The following PCDH1 variants were observed in gnomAD, a reference collection of about 807,000 sequenced individuals.
PCDH1 encodes protocadherin-1.
In PCDH1, 23 loss-of-function variants were observed where a neutral mutation model predicts 74.6. The observed-to-expected ratio is 0.31, with a 90% CI of 0.22 to 0.44. PCDH1 has a LOEUF of 0.44. PCDH1 is among the 20% of genes least tolerant of loss of function. PCDH1 has a pLI of 1.00. For synonymous variants in PCDH1, 647 were observed against 686.1 expected, an observed-to-expected ratio of 0.94 and a Z score of 0.89; for missense variants, 1,214 against 1,641.4, an observed-to-expected ratio of 0.74 and a Z score of 4.50.
chr5:141,878,278 C>G lies in PCDH1; in HGVS notation c.-16G>C. On this transcript the variant is annotated 5_prime_UTR_variant, in exon 1 of 5. Coordinates refer to ENST00000287008, the MANE Select transcript of PCDH1 (RefSeq NM_032420.5). This position sits in a 1 kb window ranked among gnomAD's most constrained non-coding sequence, Gnocchi z 5.5. ...CGCTGTCCATGAGCCGCCGCCGGCCCCGGCCTGGGCTGCGGCTCCGCACGG... is the reference window on the plus strand; with the variant it reads ...CGCTGTCCATGAGCCGCCGCCGGCCGCGGCCTGGGCTGCGGCTCCGCACGG... The G allele has an allele frequency of 7.9e-7, 1 of 1,271,008 alleles. No individual in the cohort carries two copies. The allele number at this position is 1,271,008 out of a possible 1,614,324, so 78.7% of individuals were successfully genotyped here.
chr5:141,871,173 T>G (rs1753088145), intron 1 of PCDH1, among the ~76,000 whole-genome samples: 1 of 152,264 alleles, frequency 6.6e-6, no homozygotes. Flanking sequence ...GACAGTACTC[T>G]GTACACTCAC....
At chr5:141,876,336 G>A (rs1173811005) in intron 1 of PCDH1, among the ~76,000 whole-genome samples, 1 of 152,172 alleles carries the variant, frequency 6.6e-6, no homozygotes, top group Non-Finnish European at 1.5e-5. Context: ...GGCATCTCCG[G>A]CCTCGGCCTA....
chr5:141,870,123 T>G (rs1159374062), intron 1 of PCDH1, among the ~76,000 whole-genome samples: 1 of 152,196 alleles, frequency 6.6e-6, no homozygotes, highest in Admixed American at 6.5e-5. Flanking sequence ...TGCCCAGTAT[T>G]CTCCACCCCC....
In PCDH1 at chr5:141,869,478, G is replaced by A. The variant is rs1266634219; in HGVS notation, c.41-47C>T. On this transcript the variant is annotated intron_variant, in intron 1 of 4. Coordinates refer to ENST00000287008, the MANE Select transcript of PCDH1 (RefSeq NM_032420.5). This position sits in a 1 kb window ranked among gnomAD's most constrained non-coding sequence, Gnocchi z 4.9. ...CAGAGGCCATGAGCTGGGAAGAAAA[G>A]CCTGGCCCTGAGCTGCCCAGAGCTG... The A allele has an allele frequency of 3.2e-6, 5 of 1,583,256 alleles. No individual in the cohort carries two copies. The highest frequency in any genetic ancestry group is 4.3e-6 in the Non-Finnish European group (5 of 1,173,210).
chr5:141,865,362 G>T lies in PCDH1; in HGVS notation c.969C>A (p.Pro323=), dbSNP rs561989436. 1.9e-6 allele frequency: 3 copies of T among 1,614,074 alleles called. No homozygotes were observed. Among genetic ancestry groups the T allele is most frequent in the Non-Finnish European group, 1.7e-6 (2 of 1,180,016 alleles). The change falls in exon 3 of 5, where the codon CCC becomes CCA. Residue 323 remains proline, a synonymous_variant. Coordinates refer to ENST00000287008, the MANE Select transcript of PCDH1 (RefSeq NM_032420.5). This position sits in a 1 kb window ranked among gnomAD's most constrained non-coding sequence, Gnocchi z 4.4. The part of the protein sequence containing the change: ...AEIEYTFHQA[P]EVVRRLLRLD... ...GTCGAAGAAGACGCCTCACAACTTCGGGCGCCTGGTGGAATGTGTATTCGA... is the reference window on the plus strand; with the variant it reads ...GTCGAAGAAGACGCCTCACAACTTCTGGCGCCTGGTGGAATGTGTATTCGA...
rs1351475689 is a variant in PCDH1, at chr5:141,868,120, T to C, written c.903+449A>G. ...TTGTCAGGAAGAGGCAAAATGAGGC[T>C]ATATCCTCCAGCTTCAGGAAAACCT... On this transcript the variant is annotated intron_variant, in intron 2 of 4. Transcript: ENST00000287008. The surrounding 1 kb of genome is among the most constrained non-coding windows in gnomAD (Gnocchi z 4.8). Among the ~76,000 whole-genome samples, 1 of 152,240 alleles carries C rather than the reference T, an allele frequency of 6.6e-6. No homozygotes were observed. Among genetic ancestry groups the C allele is most frequent in the Non-Finnish European group, 1.5e-5 (1 of 68,042 alleles).
intron 1 of PCDH1, among the ~76,000 whole-genome samples, chr5:141,871,599 T>C (rs1415355161): frequency 6.6e-6 from 1 of 152,248 alleles, no homozygotes; most frequent in African/African-American, 2.4e-5. Flanking sequence ...ATGTGGGTAC[T>C]CAACAAAGGA....
chr5:141,868,871 C>A lies in PCDH1; in HGVS notation c.601G>T (p.Gly201Cys). 1.2e-6 allele frequency: 2 copies of A among 1,614,240 alleles called. No homozygotes were observed. Among genetic ancestry groups the A allele is most frequent in the Non-Finnish European group, 1.7e-6 (2 of 1,180,044 alleles). Residue 201 changes from glycine to cysteine, a missense_variant, in exon 2 of 5, where the codon GGT (glycine) becomes TGT (cysteine). Coordinates refer to ENST00000287008, the MANE Select transcript of PCDH1 (RefSeq NM_032420.5). This position sits in a 1 kb window ranked among gnomAD's most constrained non-coding sequence, Gnocchi z 4.8. ...LASDRDAGPN[G>C]VASYELQAGP... ...GCCTGCAGCTCATAGGATGCCACAC[C>A]GTTGGGACCAGCATCACGGTCTGAA...
At chr5:141,856,099 C>G (rs1375067606) in intron 4 of PCDH1, 6 of 936,848 alleles carry the variant, frequency 6.4e-6, no homozygotes, top group South Asian at 1.5e-5. Flanking sequence ...TGCCAAGGCT[C>G]TACAGCTCAG....
Position 141,854,132 on chromosome 5 carries a change from C to A in PCDH1, c.3624G>T (p.Leu1208Phe), listed in dbSNP as rs767960685. The change falls in exon 5 of 5, where the codon TTG becomes TTT. Residue 1208 changes from leucine to phenylalanine, a missense_variant. Physicochemically the swap from Leu to Phe is conservative, Grantham distance 22. Coordinates refer to ENST00000287008, the MANE Select transcript of PCDH1 (RefSeq NM_032420.5). ...AGGTCTGGGTCAGGGGGATTTCCTC[C>A]AAGGTGGCCGAGTCCTTGCAGGAAT... ...SHDSCKDSAT[L>F]EEIPLTQTSD... 6.3e-7 allele frequency: 1 copy of A among 1,594,434 alleles called. No individual in the cohort carries two copies. Among genetic ancestry groups the A allele is most frequent in the Non-Finnish European group, 8.6e-7 (1 of 1,168,154 alleles).
chr5:141,870,346 G>A (rs193102756), intron 1 of PCDH1, among the ~76,000 whole-genome samples: 1 of 152,284 alleles, frequency 6.6e-6, no homozygotes, highest in East Asian at 1.9e-4. Flanking sequence ...TCTCCCTCCT[G>A]CTGCCATGGG....
chr5:141,866,139 A>G, intron 2 of PCDH1: 2 of 985,504 alleles, frequency 2.0e-6, no homozygotes, highest in Non-Finnish European at 2.4e-6. Flanking sequence ...TGTGGGTCAG[A>G]GAAGCCCTCC....
In PCDH1 at chr5:141,864,542, T is replaced by C. The variant is rs1474282875; in HGVS notation, c.1789A>G (p.Thr597Ala). Residue 597 changes from threonine to alanine, a missense_variant, in exon 3 of 5, where the codon ACT (threonine) becomes GCT (alanine). Transcript: ENST00000287008. The surrounding 1 kb of genome is among the most constrained non-coding windows in gnomAD (Gnocchi z 5.9). ...RGSPSLQGTA[T>A]VLVNVLDCND... ...CAGTCCAGCACATTGACAAGGACAGTGGCTGTGCCCTGGAGGCTAGGACTG... is the reference window on the plus strand; with the variant it reads ...CAGTCCAGCACATTGACAAGGACAGCGGCTGTGCCCTGGAGGCTAGGACTG... 2 of 1,614,114 alleles carry C rather than the reference T, an allele frequency of 1.2e-6. No individual in the cohort carries two copies. Among genetic ancestry groups the C allele is most frequent in the East Asian group, 4.5e-5 (2 of 44,878 alleles).
Position 141,865,224 on chromosome 5 carries a change from G to A in PCDH1, c.1107C>T (p.Ala369=). 6.2e-7 allele frequency: 1 copy of A among 1,614,136 alleles called. No individual in the cohort carries two copies. Among genetic ancestry groups the A allele is most frequent in the African/African-American group, 1.3e-5 (1 of 75,030 alleles). ...AKDRGTNPKS[A]RAQVVVTVKD... ...TCACGGTCACAACCACCTGGGCACG[G>A]GCACTCTTGGGGTTGGTGCCTCGGT... Residue 369 remains alanine (A), a synonymous_variant, in exon 3 of 5, where the codon GCC becomes GCT. Transcript: ENST00000287008. The surrounding 1 kb of genome is among the most constrained non-coding windows in gnomAD (Gnocchi z 4.4).
At chr5:141,854,920 C>T (rs1282205494) in intron 4 of PCDH1, among the ~76,000 whole-genome samples, 1 of 151,186 alleles carries the variant, frequency 6.6e-6, no homozygotes, top group Non-Finnish European at 1.5e-5. Context: ...GATCCACCCA[C>T]CTTGACCTCC....
rs1752667784 is a variant in PCDH1 at position 141,863,564 on chromosome 5, T to TCAC, written c.2764_2766dup (p.Val922dup). 1.2e-6 allele frequency: 2 copies of TCAC among 1,614,062 alleles called. No individual in the cohort carries two copies. Among genetic ancestry groups the TCAC allele is most frequent in the Non-Finnish European group, 1.7e-6 (2 of 1,180,022 alleles). On this transcript the variant is annotated inframe_insertion, in exon 3 of 5. Coordinates refer to ENST00000287008, the MANE Select transcript of PCDH1 (RefSeq NM_032420.5). The surrounding 1 kb of genome is among the most constrained non-coding windows in gnomAD (Gnocchi z 7.5). The stretch of plus-strand genomic sequence containing the variant: ...GCCTCATCCTCGTCCTCCACTGGCT[T>TCAC]CACGGGCTTTGGGGACTTGCTCTTC...
chr5:141,868,748 G>T lies in PCDH1; in HGVS notation c.724C>A (p.Arg242Ser). ...ATGGTGAGGTCATAGGAGTCCCAGCGCTCACGGTCCAGGTTGCCCATCACA... is the reference window on the plus strand; with the variant it reads ...ATGGTGAGGTCATAGGAGTCCCAGCTCTCACGGTCCAGGTTGCCCATCACA... ...LIVMGNLDRERWDSYDLTIKV... is the reference protein window; with the variant it reads ...LIVMGNLDRESWDSYDLTIKV... Residue 242 changes from arginine (R) to serine (S), a missense_variant, in exon 2 of 5, where the codon CGC becomes AGC. Coordinates refer to ENST00000287008, the MANE Select transcript of PCDH1 (RefSeq NM_032420.5). The surrounding 1 kb of genome is among the most constrained non-coding windows in gnomAD (Gnocchi z 4.8). The T allele has an allele frequency of 4.3e-6, 7 of 1,614,168 alleles. No homozygotes were observed. Among genetic ancestry groups the T allele is most frequent in the Non-Finnish European group, 5.1e-6 (6 of 1,180,030 alleles).
rs1753290757 is a variant in PCDH1, at chr5:141,878,234, C to T, written c.29G>A (p.Cys10Tyr). 2 of 1,382,410 alleles carry T rather than the reference C, an allele frequency of 1.4e-6. No homozygotes were observed. The highest frequency in any genetic ancestry group is 1.9e-6 in the Non-Finnish European group (2 of 1,069,184). The allele number at this position is 1,382,410 out of a possible 1,614,324, so 85.6% of individuals were successfully genotyped here. Residue 10 changes from cysteine (C) to tyrosine (Y), a missense_variant, in exon 1 of 5, where the codon TGC (cysteine) becomes TAC (tyrosine). Cys to Tyr is a radical substitution (Grantham distance 194, BLOSUM62 -2). This residue lies in a region of PCDH1 where 87 missense variants were observed against 87.7 expected (regional missense o/e 0.99). Coordinates refer to ENST00000287008, the MANE Select transcript of PCDH1 (RefSeq NM_032420.5). The surrounding 1 kb of genome is among the most constrained non-coding windows in gnomAD (Gnocchi z 5.5). MDSGAGGRR[C>Y]PEAALLILGP... ...CGCCGGATCCTTACCCGCCTCCGGGCAGCGCCGGCCGCCCGCCCCGCTGTC... is the reference window on the plus strand; with the variant it reads ...CGCCGGATCCTTACCCGCCTCCGGGTAGCGCCGGCCGCCCGCCCCGCTGTC...
rs777850372 is a variant in PCDH1, at chr5:141,865,357, A to C, written c.974T>G (p.Val325Gly). Residue 325 changes from valine to glycine, a missense_variant, in exon 3 of 5, where the codon GTT becomes GGT. Val to Gly is a moderately radical substitution (Grantham distance 109). Coordinates refer to ENST00000287008, the MANE Select transcript of PCDH1 (RefSeq NM_032420.5). The surrounding 1 kb of genome is among the most constrained non-coding windows in gnomAD (Gnocchi z 4.4). ...IEYTFHQAPE[V>G]VRRLLRLDRN... ...GTCCAGTCGAAGAAGACGCCTCACAACTTCGGGCGCCTGGTGGAATGTGTA... is the reference window on the plus strand; with the variant it reads ...GTCCAGTCGAAGAAGACGCCTCACACCTTCGGGCGCCTGGTGGAATGTGTA... 1.2e-6 allele frequency: 2 copies of C among 1,614,090 alleles called. No homozygotes were observed. The highest frequency in any genetic ancestry group is 4.5e-5 in the East Asian group (2 of 44,884).
Sources: gnomAD v4.1 joint callset for allele counts (sites outside exome capture counted in the v4.1 genomes callset) on GRCh38, gnomAD v4.1.1 for gene constraint, gnomAD v4.1.1 regional missense constraint, Gnocchi (gnomAD v3.1) non-coding constraint, MANE v1.5 for transcripts, NCBI Gene and HGNC (gene_info 2026-07-23, HGNC 2026-07-21) for gene names.